Variants in SEC16B observed in about 807,000 individuals in gnomAD.
SEC16B encodes the protein protein transport protein Sec16B.
A neutral mutation model predicts 141.8 loss-of-function variants in SEC16B; 115 were observed. The ratio of observed to expected loss-of-function variants is 0.81; its 90% CI spans 0.70 to 0.95. The LOEUF is 0.95. Among genes scored for constraint, SEC16B ranks in the 40% least tolerant of loss-of-function variants. The pLI, the probability that SEC16B is intolerant of heterozygous loss-of-function variation, is 0.00. For synonymous variants in SEC16B, 493 were observed against 492.5 expected, an observed-to-expected ratio of 1.00 and a Z score of -0.01; for missense variants, 1,291 against 1,312.3, an observed-to-expected ratio of 0.98 and a Z score of 0.25.
rs1650513302 is a variant in SEC16B, at chr1:177,932,541, G to A, written c.2961C>T (p.Ser987=). ...CAGCGCCCGCAGCTGCTCCCCCGCT[G>A]GATGCGGATCCTCGGCCTTCACCCC... ...RGGGEGRGSA[S]SGGAAAGAGV... Residue 987 remains serine, a synonymous_variant, in exon 24 of 26, where the codon TCC becomes TCT. Transcript: ENST00000308284. The A allele has an allele frequency of 6.4e-7, 1 of 1,562,142 alleles. No homozygotes were observed. The highest frequency in any genetic ancestry group is 8.7e-7 in the Non-Finnish European group (1 of 1,153,752).
rs984984764 is a variant in SEC16B at position 177,948,741 on chromosome 1, C to T, written c.1546-799G>A. 4 of 1,181,432 alleles carry T rather than the reference C, an allele frequency of 3.4e-6. No individual in the cohort carries two copies. The African/African-American group carries it at 6.4e-5, about 19-fold the overall frequency. 73.2% of individuals were successfully genotyped at this position (1,181,432 alleles called of 1,614,324 possible). A position where few individuals can be genotyped will look rare whatever the true frequency, so the allele number is the denominator to read the frequency against. ...CAACTCGAGTCCTGCATCTTACTAG[C>T]TTACCTACCTTGAGCAAGTTTCTTA... On this transcript the variant is annotated intron_variant, in intron 12 of 25. Transcript: ENST00000308284.
rs1016585445 is a variant in SEC16B, at chr1:177,947,802, G to A, written c.1663+23C>T. ...GGGAAGGGACAGGGAGGGGAGCGGAGGGGAAATGCTGGTGTCGCTTACCCA... is the reference window on the plus strand; with the variant it reads ...GGGAAGGGACAGGGAGGGGAGCGGAAGGGAAATGCTGGTGTCGCTTACCCA... On this transcript the variant is annotated intron_variant, in intron 13 of 25. Transcript: ENST00000308284. 5.4e-6 allele frequency: 8 copies of A among 1,473,976 alleles called. No homozygotes were observed. In the African/African-American group the frequency reaches 1.1e-4, roughly 21 times the overall value. The allele number at this position is 1,473,976 out of a possible 1,614,324, so 91.3% of individuals were successfully genotyped here.
Position 177,960,324 on chromosome 1 carries a change from GCTCTTACAGCACTATACCTAATCAA to G in SEC16B, c.991_998+17del. 1 of 1,549,810 alleles carries G rather than the reference GCTCTTACAGCACTATACCTAATCAA, an allele frequency of 6.5e-7. No homozygotes were observed. Among genetic ancestry groups the G allele is most frequent in the East Asian group, 2.3e-5 (1 of 44,434 alleles). ...AGGTTTCAAAAGCCCTTACTCAGCA[GCTCTTACAGCACTATACCTAATCAA>G]GGGTCCTGAGAAACTTCTCATCTCC... On this transcript the variant is annotated splice_donor_variant and splice_donor_5th_base_variant and coding_sequence_variant and intron_variant, in exon 8 of 26. Coordinates refer to ENST00000308284, the MANE Select transcript of SEC16B (RefSeq NM_033127.4). LOFTEE classifies it high-confidence loss of function.
intron 5 of SEC16B, among the ~76,000 whole-genome samples, chr1:177,962,018 A>T (rs1369250361): frequency 6.6e-6 from 1 of 152,092 alleles, no homozygotes; most frequent in Non-Finnish European, 1.5e-5. Context: ...CAGTGCTTTC[A>T]TCTGTGATAT....
intron 12 of SEC16B, chr1:177,948,405 T>C: frequency 7.7e-7 from 1 of 1,304,502 alleles, no homozygotes; most frequent in South Asian, 1.2e-5. Context: ...GCCTATGTTT[T>C]CTGGCTCTAC....
intron 1 of SEC16B, among the ~76,000 whole-genome samples, chr1:177,978,492 G>A (rs1195119912): frequency 6.6e-6 from 1 of 151,976 alleles, no homozygotes; most frequent in African/African-American, 2.4e-5. Flanking sequence ...GGATTGCTGA[G>A]GCCAGAAGCT....
chr1:177,930,027 G>T, intron 25 of SEC16B, 98 bp from the exon 26 acceptor site: 1 of 1,162,902 alleles, frequency 8.6e-7, no homozygotes, highest in Non-Finnish European at 1.2e-6. Flanking sequence ...CTGAGCCTCT[G>T]TGTAGAACAT....
At chr1:177,930,974 T>A (rs1650371361) in intron 24 of SEC16B, among the ~76,000 whole-genome samples, 1 of 152,150 alleles carries the variant, frequency 6.6e-6, no homozygotes, top group Non-Finnish European at 1.5e-5. Flanking sequence ...ACACCGCTGG[T>A]GGGAATGTAA....
intron 1 of SEC16B, 59 bp from the exon 2 acceptor site, chr1:177,968,098 G>A (rs532236325): frequency 4.8e-6 from 5 of 1,032,024 alleles, no homozygotes; most frequent in Non-Finnish European, 6.8e-6. Flanking sequence ...AAACATAGTG[G>A]TTGATTAGGT....
chr1:177,930,263 A>G (rs1650316182), intron 25 of SEC16B, among the ~76,000 whole-genome samples: 1 of 152,142 alleles, frequency 6.6e-6, no homozygotes, highest in Non-Finnish European at 1.5e-5. Flanking sequence ...TACCAACACC[A>G]ACTGTGTCTC....
At chr1:177,950,048 A>G (rs999649347) in intron 12 of SEC16B, among the ~76,000 whole-genome samples, 4 of 152,052 alleles carry the variant, frequency 2.6e-5, no homozygotes, top group African/African-American at 4.8e-5. Flanking sequence ...ATTCCACTGA[A>G]TTGTGAGGCA....
Position 177,932,482 on chromosome 1 carries a change from C to G in SEC16B, c.3012+8G>C, listed in dbSNP as rs1650501632. 2.0e-6 allele frequency: 3 copies of G among 1,526,964 alleles called. No individual in the cohort carries two copies. The highest frequency in any genetic ancestry group is 1.4e-5 in the African/African-American group (1 of 72,248). The allele number at this position is 1,526,964 out of a possible 1,614,324, so 94.6% of individuals were successfully genotyped here. A position where few individuals can be genotyped will look rare whatever the true frequency, so the allele number is the denominator to read the frequency against. On this transcript the variant is annotated splice_region_variant and intron_variant, in intron 24 of 25. Transcript: ENST00000308284. Reference sequence around the variant, plus strand: ...GGTCCGAGGCTCCAGCCCAGGGGGGCCGCTTACCTCTGGTCCAGACAAGCC... The same window carrying G: ...GGTCCGAGGCTCCAGCCCAGGGGGGGCGCTTACCTCTGGTCCAGACAAGCC...
At chr1:177,952,847 A>G (rs957944489) in intron 11 of SEC16B, among the ~76,000 whole-genome samples, 1 of 152,112 alleles carries the variant, frequency 6.6e-6, no homozygotes, top group Non-Finnish European at 1.5e-5. Flanking sequence ...TCACCATTCC[A>G]GTCTCAGAGG....
intron 12 of SEC16B, chr1:177,948,690 T>C: frequency 4.0e-6 from 5 of 1,250,012 alleles, no homozygotes; most frequent in Non-Finnish European, 5.2e-6. Flanking sequence ...AGAAACAATA[T>C]AATGTCATGG....
intron 8 of SEC16B, chr1:177,959,195 A>G: frequency 1.8e-6 from 1 of 559,710 alleles, no homozygotes. Flanking sequence ...CCCTTTATAG[A>G]TGAAGAAACA....
At chr1:177,969,118 CTGT>C (rs1473439537) in intron 1 of SEC16B, among the ~76,000 whole-genome samples, 11 of 152,290 alleles carry the variant, frequency 7.2e-5, no homozygotes, top group Admixed American at 5.9e-4. Context: ...TCCTTAGGAA[CTGT>C]TTTAGGTTGC....
upstream of SEC16B, among the ~76,000 whole-genome samples, chr1:177,974,181 G>A (rs1654076916): frequency 6.6e-6 from 1 of 152,064 alleles, no homozygotes; most frequent in Admixed American, 6.6e-5. Context: ...TGGGGAAGAT[G>A]ATGTGTTCAG....
intron 7 of SEC16B, 140 bp from the exon 8 acceptor site, chr1:177,960,543 G>T: frequency 1.4e-6 from 1 of 726,360 alleles, no homozygotes; most frequent in Middle Eastern, 2.5e-4. Context: ...AGAAAAAAGT[G>T]AATTTTGTTG....
At chr1:177,929,985 G>C in intron 25 of SEC16B, 56 bp from the exon 26 acceptor site, 1 of 1,565,072 alleles carries the variant, frequency 6.4e-7, no homozygotes, top group Non-Finnish European at 8.7e-7. Flanking sequence ...GACTCTGCCC[G>C]GGGTTGATTG....
Sources: allele counts gnomAD v4.1 joint callset (sites outside exome capture counted in the v4.1 genomes callset), GRCh38; gene constraint gnomAD v4.1.1; transcripts MANE v1.5; gene names NCBI Gene and HGNC (gene_info 2026-07-23, HGNC 2026-07-21).